SGMS2: variants seen among roughly 807,000 people sequenced by gnomAD.
SGMS2 encodes phosphatidylcholine:ceramide cholinephosphotransferase 2.
SGMS2 carries 21 observed loss-of-function variants against 43.8 expected under a neutral mutation model. That is an observed-to-expected ratio of 0.48 (90% CI 0.34 to 0.69). The LOEUF (loss-of-function observed/expected upper bound fraction) is 0.69, where lower values mean the gene tolerates loss of function less well. Ranked by LOEUF, SGMS2 falls within the 30% of genes least tolerant of loss-of-function variation. The probability of loss-of-function intolerance (pLI) is 0.01; values close to 1 mark genes in which losing one functional copy is unlikely to be tolerated. For synonymous variants in SGMS2, 167 were observed against 160.6 expected (o/e 1.04, Z -0.30); for missense variants, 384 against 443.2 (o/e 0.87, Z 1.20).
At chr4:107,844,815 C>T (rs1726721424) in intron 1 of SGMS2, among the ~76,000 whole-genome samples, 1 of 152,202 alleles carries the variant, frequency 6.6e-6, no homozygotes, top group African/African-American at 2.4e-5. Context: ...TCAAAGAGCT[C>T]ATGTGTAAAT....
At chr4:107,859,160 TA>T (rs1355056343) in intron 2 of SGMS2, among the ~76,000 whole-genome samples, 1 of 152,182 alleles carries the variant, frequency 6.6e-6, no homozygotes, top group Non-Finnish European at 1.5e-5. Context: ...TTCTTGAAAA[TA>T]AAAATAGTTG....
intron 1 of SGMS2, among the ~76,000 whole-genome samples, chr4:107,844,277 T>C (rs1038018637): frequency 1.3e-5 from 2 of 151,584 alleles, no homozygotes; most frequent in African/African-American, 4.9e-5. Flanking sequence ...TGAGCTGAGA[T>C]TGGGCCACTG....
intron 3 of SGMS2, among the ~76,000 whole-genome samples, chr4:107,898,893 C>G (rs1374430255): frequency 6.6e-6 from 1 of 152,050 alleles, no homozygotes; most frequent in Middle Eastern, 3.2e-3. Context: ...TTTTTTTGAT[C>G]AAGATTGAAT....
intron 2 of SGMS2, among the ~76,000 whole-genome samples, chr4:107,868,649 A>T (rs1388566690): frequency 2.0e-5 from 3 of 151,836 alleles, no homozygotes; most frequent in Non-Finnish European, 2.9e-5. Flanking sequence ...ACCCAGGAGG[A>T]GGAGGTTGCA....
chr4:107,895,322 C>T lies in SGMS2; in HGVS notation c.-232C>T. The T allele has an allele frequency of 2.1e-6, 1 of 484,904 alleles. No individual in the cohort carries two copies. The highest frequency in any genetic ancestry group is 3.6e-6 in the Non-Finnish European group (1 of 278,214). The allele number at this position is 484,904 out of a possible 1,614,324, so 30.0% of individuals were successfully genotyped here. A position where few individuals can be genotyped will look rare whatever the true frequency, so the allele number is the denominator to read the frequency against. Reference sequence around the variant, plus strand: ...GTTTTGCTTTTAGGTGGGATAGTAACATCTTTTTGAGGGAAGAATTGGCTT... The same window carrying T: ...GTTTTGCTTTTAGGTGGGATAGTAATATCTTTTTGAGGGAAGAATTGGCTT... On this transcript the variant is annotated 5_prime_UTR_variant, in exon 3 of 7. Coordinates refer to ENST00000690982, the MANE Select transcript of SGMS2 (RefSeq NM_001375905.1).
intron 1 of SGMS2, among the ~76,000 whole-genome samples, chr4:107,853,742 A>G (rs1727278706): frequency 6.6e-6 from 1 of 152,202 alleles, no homozygotes; most frequent in East Asian, 1.9e-4. Flanking sequence ...CCCTTCCCTC[A>G]CAGAGCTTGC....
intron 1 of SGMS2, among the ~76,000 whole-genome samples, chr4:107,853,634 C>T (rs1260904453): frequency 6.6e-6 from 1 of 152,174 alleles, no homozygotes; most frequent in African/African-American, 2.4e-5. Context: ...TCTTTAGGAA[C>T]ACAGCTTATC....
intron 2 of SGMS2, among the ~76,000 whole-genome samples, chr4:107,891,821 C>T (rs1730242310): frequency 6.6e-6 from 1 of 152,076 alleles, no homozygotes; most frequent in African/African-American, 2.4e-5. Flanking sequence ...TCCTGGCCCA[C>T]ACCATGTTGC....
At chr4:107,870,851 G>T (rs953143450) in intron 2 of SGMS2, among the ~76,000 whole-genome samples, 1 of 152,070 alleles carries the variant, frequency 6.6e-6, no homozygotes, top group Admixed American at 6.6e-5. Flanking sequence ...ATTTTAAAAA[G>T]CAATTTAAAG....
At chr4:107,884,927 C>T (rs2126092591) in intron 2 of SGMS2, among the ~76,000 whole-genome samples, 1 of 152,182 alleles carries the variant, frequency 6.6e-6, no homozygotes, top group East Asian at 1.9e-4. Context: ...TAACTGAGAC[C>T]TATCTCAGGT....
intron 2 of SGMS2, among the ~76,000 whole-genome samples, chr4:107,870,687 C>T (rs192954008): frequency 7.6e-4 from 116 of 152,176 alleles, no homozygotes; most frequent in Admixed American, 3.3e-3. Flanking sequence ...CTCCCAATGT[C>T]CTATGCTTAT....
At chr4:107,879,398 G>A (rs970996087) in intron 2 of SGMS2, among the ~76,000 whole-genome samples, 2 of 151,812 alleles carry the variant, frequency 1.3e-5, no homozygotes, top group African/African-American at 4.8e-5. Flanking sequence ...GAGCCCAGAA[G>A]TTAATAAGAG....
intron 2 of SGMS2, chr4:107,873,434 A>AAAT (rs1728688602): frequency 6.6e-6 from 1 of 152,158 alleles, no homozygotes; most frequent in Admixed American, 6.6e-5. Context: ...TAGATTTCTG[A>AAAT]AATCACTTGC....
chr4:107,894,895 T>A lies in SGMS2; in HGVS notation c.-244-415T>A, dbSNP rs966580099. 1.1e-4 allele frequency among the ~76,000 whole-genome samples: 16 copies of A among 152,278 alleles called. No homozygotes were observed. The South Asian group carries it at 3.1e-3, about 30-fold the overall frequency. ...TCAATGCATATAAGCCTCTTACCAG[T>A]TTTTTATTCTTTCTTTATGGCTCAT... is the stretch of plus-strand genomic sequence containing the variant. On this transcript the variant is annotated intron_variant, in intron 2 of 6. Coordinates refer to ENST00000690982, the MANE Select transcript of SGMS2 (RefSeq NM_001375905.1).
chr4:107,824,688 C>T (rs1309718424), upstream of SGMS2: 1 of 152,302 alleles, frequency 6.6e-6, no homozygotes, highest in East Asian at 1.9e-4. Context: ...AGGGGAGAGT[C>T]GGCTGGGATT....
At chr4:107,879,231 T>G (rs1336887464) in intron 2 of SGMS2, among the ~76,000 whole-genome samples, 1 of 152,048 alleles carries the variant, frequency 6.6e-6, no homozygotes, top group East Asian at 1.9e-4. Flanking sequence ...AATTACAAGT[T>G]TTTTAGAGCA....
At chr4:107,841,511 G>T (rs1726501443) in intron 1 of SGMS2, among the ~76,000 whole-genome samples, 2 of 152,012 alleles carry the variant, frequency 1.3e-5, no homozygotes, top group Non-Finnish European at 2.9e-5. Context: ...TTTTGAGGCA[G>T]TCAGAAATTG....
rs754617588 is a variant in SGMS2, at chr4:107,895,711, C to T, written c.158C>T (p.Thr53Ile). Residue 53 changes from threonine to isoleucine, a missense_variant, in exon 3 of 7, where the codon ACC becomes ATC. By Grantham distance (89) the Thr-to-Ile change is moderately conservative. Coordinates refer to ENST00000690982, the MANE Select transcript of SGMS2 (RefSeq NM_001375905.1). Reference protein sequence around the residue: ...KSLSSGLRKGTKKYPDYIQIA... With the variant: ...KSLSSGLRKGIKKYPDYIQIA... ...TTATCCAGTGGGCTGCGAAAAGGCA[C>T]CAAAAAGTACCCGGACTATATCCAA... The T allele has an allele frequency of 1.2e-6, 2 of 1,613,934 alleles. No individual in the cohort carries two copies. Among genetic ancestry groups the T allele is most frequent in the Non-Finnish European group, 1.7e-6 (2 of 1,179,944 alleles).
chr4:107,888,001 G>A (rs10012592), intron 2 of SGMS2, among the ~76,000 whole-genome samples: 10,937 of 152,148 alleles, frequency 0.072, 516 homozygotes, highest in African/African-American at 0.14. Context: ...TTGCATCAGT[G>A]TGTCTTTGAC....
Sources: allele counts gnomAD v4.1 joint callset (sites outside exome capture counted in the v4.1 genomes callset), GRCh38; gene constraint gnomAD v4.1.1; transcripts MANE v1.5; gene names NCBI Gene and HGNC (gene_info 2026-07-23, HGNC 2026-07-21).